The following DNAH14 variants were observed in gnomAD, a reference collection of about 807,000 sequenced individuals.
DNAH14 encodes the protein axonemal beta dynein heavy chain 14.
DNAH14 carries 478 observed loss-of-function variants against 520.9 expected under a neutral mutation model. That is an observed-to-expected ratio of 0.92 (90% CI 0.85 to 0.99). DNAH14 has a LOEUF of 0.99. Ranked by LOEUF, DNAH14 falls within the 50% of genes least tolerant of loss-of-function variation. DNAH14 has a pLI of 0.00. For synonymous variants in DNAH14, 1,581 were observed against 1,757.2 expected (o/e 0.90, Z 2.51); for missense variants, 4,831 against 5,234.5 (o/e 0.92, Z 2.38).
Position 225,212,182 on chromosome 1 carries a change from TG to T in DNAH14, c.6439+4963del, listed in dbSNP as rs575020799. On this transcript the variant is annotated intron_variant, in intron 41 of 85. Transcript: ENST00000682510. ...CTGGTTTTCTGTCCTTGTGAGAGTT[TG>T]CTGAGAATGATGGTTTCCAGCTTCA... Among the ~76,000 whole-genome samples the T allele has an allele frequency of 3.5e-3, 531 of 151,844 alleles. 4 individuals are homozygous for T. The highest frequency in any genetic ancestry group is 0.012 in the African/African-American group (514 of 41,344).
chr1:225,375,965 G>T (rs2095693869), intron 78 of DNAH14, among the ~76,000 whole-genome samples: 1 of 151,602 alleles, frequency 6.6e-6, no homozygotes, highest in Admixed American at 6.6e-5. Context: ...GTGTGCACTT[G>T]TAGTCCCAGC....
chr1:225,288,030 C>G (rs953970326), intron 54 of DNAH14, among the ~76,000 whole-genome samples: 1 of 151,986 alleles, frequency 6.6e-6, no homozygotes, highest in Non-Finnish European at 1.5e-5. Context: ...AGAAGATATC[C>G]ACATAATGTA....
chr1:225,151,790 A>G, intron 31 of DNAH14: 1 of 653,130 alleles, frequency 1.5e-6, no homozygotes, highest in Non-Finnish European at 2.7e-6. Context: ...TTTGGACATA[A>G]TCAAATACAT....
intron 84 of DNAH14, among the ~76,000 whole-genome samples, chr1:225,392,802 C>T (rs957707839): frequency 1.3e-5 from 2 of 152,170 alleles, no homozygotes; most frequent in African/African-American, 2.4e-5. Context: ...TGCTCATGGC[C>T]GAAATTCCTG....
intron 7 of DNAH14, among the ~76,000 whole-genome samples, chr1:224,971,335 A>C (rs1385955088): frequency 6.6e-6 from 1 of 152,216 alleles, no homozygotes; most frequent in African/African-American, 2.4e-5. Context: ...ATATGTAAAT[A>C]GCTTAAATAA....
chr1:224,952,616 A>G, intron 1 of DNAH14, 54 bp from the exon 2 acceptor site: 1 of 995,204 alleles, frequency 1.0e-6, no homozygotes, highest in Non-Finnish European at 1.4e-6. Flanking sequence ...ACCAATTGTC[A>G]TAGCTGTCAG....
intron 66 of DNAH14, among the ~76,000 whole-genome samples, chr1:225,334,847 A>C (rs1174780338): frequency 6.6e-6 from 1 of 150,944 alleles, no homozygotes; most frequent in Non-Finnish European, 1.5e-5. Context: ...CCAGCATGGG[A>C]GACAAGCCAA....
At chr1:225,095,174 T>C (rs1009275704) in intron 21 of DNAH14, among the ~76,000 whole-genome samples, 12 of 152,176 alleles carry the variant, frequency 7.9e-5, no homozygotes, top group Admixed American at 3.3e-4. Context: ...TATAAAATTG[T>C]TCTATCATAA....
At chr1:225,153,854 A>C (rs1573544265) in intron 34 of DNAH14, 28 bp downstream of exon 34, 1 of 1,509,548 alleles carries the variant, frequency 6.6e-7, no homozygotes, top group Non-Finnish European at 9.0e-7. Flanking sequence ...TTGTTAGGTC[A>C]AAGGGAGTTA....
At position 225,022,631 on chromosome 1, in the gene DNAH14, C is replaced by T. The variant is rs539568042; in HGVS notation, c.1108-984C>T. ...TGGTGAGGATGTGGCAAAAAGGAAA[C>T]ACCCTGCTGGTAGCAATGTAAATTA... is the stretch of plus-strand genomic sequence containing the variant. On this transcript the variant is annotated intron_variant, in intron 10 of 85. Transcript: ENST00000682510. 1.1e-4 allele frequency among the ~76,000 whole-genome samples: 16 copies of T among 151,470 alleles called. No individual in the cohort carries two copies. The East Asian group carries it at 2.9e-3, about 28-fold the overall frequency.
In DNAH14 at chr1:225,275,415, AG is replaced by A. The variant is rs1401079534; in HGVS notation, c.8011-495del. On this transcript the variant is annotated intron_variant, in intron 52 of 85. Transcript: ENST00000682510. ...GGAGTAATTTATTCTACCTGATTTT[AG>A]GGGAGAGGGAGATGGTCAGACTTCA... Among the ~76,000 whole-genome samples the A allele has an allele frequency of 2.0e-5, 3 of 152,298 alleles. No homozygotes were observed. The East Asian group carries it at 5.8e-4, about 29-fold the overall frequency.
chr1:225,217,432 T>C (rs1322887149), intron 41 of DNAH14, among the ~76,000 whole-genome samples: 1 of 152,150 alleles, frequency 6.6e-6, no homozygotes, highest in Non-Finnish European at 1.5e-5. Context: ...TCAAAGCTGT[T>C]AGACAGGGAC....
chr1:224,987,078 C>A (rs1401377664), intron 8 of DNAH14, among the ~76,000 whole-genome samples: 1 of 151,660 alleles, frequency 6.6e-6, no homozygotes, highest in East Asian at 1.9e-4. Context: ...GTCCCATTTA[C>A]AATAGCTACA....
At chr1:225,104,384 A>G (rs994187232) in intron 23 of DNAH14, among the ~76,000 whole-genome samples, 1 of 152,116 alleles carries the variant, frequency 6.6e-6, no homozygotes, top group African/African-American at 2.4e-5. Flanking sequence ...TAGTATCAGG[A>G]TGATACTGGC....
At chr1:225,155,958 G>C (rs1287879756) in intron 34 of DNAH14, among the ~76,000 whole-genome samples, 1 of 152,070 alleles carries the variant, frequency 6.6e-6, no homozygotes, top group Non-Finnish European at 1.5e-5. Context: ...AGACAATTTT[G>C]CTTTTTAAAA....
Position 225,265,234 on chromosome 1 carries a change from T to G in DNAH14, c.7275T>G (p.Asn2425Lys). 6.6e-7 allele frequency: 1 copy of G among 1,513,092 alleles called. No homozygotes were observed. The highest frequency in any genetic ancestry group is 1.3e-5 in the South Asian group (1 of 75,430). The allele number at this position is 1,513,092 out of a possible 1,614,324, so 93.7% of individuals were successfully genotyped here. Residue 2425 changes from asparagine to lysine, a missense_variant, in exon 48 of 86, where the codon AAT becomes AAG. Physicochemically the swap from Asn to Lys is moderately conservative, Grantham distance 94. Transcript: ENST00000682510. ...GAACTAATAAAAAGTTACTTAAAAA[T>G]AATGATCATAAAGGAGTTGTAGTCT... is the stretch of plus-strand genomic sequence containing the variant. The part of the protein sequence containing the change: ...EVRTNKKLLK[N>K]NDHKGVVVST...
At chr1:225,146,126 C>T (rs2079915975) in intron 30 of DNAH14, among the ~76,000 whole-genome samples, 1 of 152,124 alleles carries the variant, frequency 6.6e-6, no homozygotes, top group Non-Finnish European at 1.5e-5. Flanking sequence ...CTAGTGGGGC[C>T]TATGAGGGCT....
intron 8 of DNAH14, among the ~76,000 whole-genome samples, chr1:224,987,775 C>T (rs747324155): frequency 2.0e-5 from 3 of 152,040 alleles, no homozygotes; most frequent in Admixed American, 6.5e-5. Context: ...TACAGGCGCC[C>T]GCCACCATGC....
At chr1:225,394,240 G>A (rs1437930398) in intron 84 of DNAH14, among the ~76,000 whole-genome samples, 1 of 152,186 alleles carries the variant, frequency 6.6e-6, no homozygotes, top group Non-Finnish European at 1.5e-5. Flanking sequence ...GTTCAAGACT[G>A]TGGACTGTTT....
Sources: allele counts gnomAD v4.1 joint callset (sites outside exome capture counted in the v4.1 genomes callset), GRCh38; gene constraint gnomAD v4.1.1; transcripts MANE v1.5; gene names NCBI Gene and HGNC (gene_info 2026-07-23, HGNC 2026-07-21).